The following PKIA variants were observed in gnomAD, a reference collection of about 807,000 sequenced individuals.
PKIA encodes the protein PKI-alpha.
Under a neutral mutation model 7.6 loss-of-function variants are expected in PKIA, and 4 were observed. That is an observed-to-expected ratio of 0.52 (90% CI 0.26 to 1.20). The LOEUF (loss-of-function observed/expected upper bound fraction) is 1.20. PKIA is among the 50% of genes most tolerant of loss of function. The pLI is 0.13. For synonymous variants in PKIA, 21 were observed against 30.7 expected, an observed-to-expected ratio of 0.68 and a Z score of 1.04; for missense variants, 73 against 86.2, an observed-to-expected ratio of 0.85 and a Z score of 0.61.
At chr8:78,546,580 T>C (rs1255809077) in intron 1 of PKIA, among the ~76,000 whole-genome samples, 1 of 152,178 alleles carries the variant, frequency 6.6e-6, no homozygotes, top group African/African-American at 2.4e-5. Flanking sequence ...GTGCCAGGAT[T>C]GGGAAGCATT....
At chr8:78,541,878 A>G (rs1470331730) in intron 1 of PKIA, among the ~76,000 whole-genome samples, 1 of 151,078 alleles carries the variant, frequency 6.6e-6, no homozygotes, top group Non-Finnish European at 1.5e-5. Flanking sequence ...TCAAGAGTAT[A>G]AGAGGCAGGG....
chr8:78,570,009 A>AGAAGTGGG (rs1157230467), intron 1 of PKIA, among the ~76,000 whole-genome samples: 1 of 152,134 alleles, frequency 6.6e-6, no homozygotes, highest in Non-Finnish European at 1.5e-5. Context: ...GGCTTAGTGA[A>AGAAGTGGG]GAAGTGGGTA....
At chr8:78,539,047 A>G (rs1482714940) in intron 1 of PKIA, among the ~76,000 whole-genome samples, 1 of 152,122 alleles carries the variant, frequency 6.6e-6, no homozygotes, top group Non-Finnish European at 1.5e-5. Context: ...GAGTAATGAA[A>G]GGCAGAAGTG....
At chr8:78,561,259 G>A (rs1242700538) in intron 1 of PKIA, among the ~76,000 whole-genome samples, 1 of 152,046 alleles carries the variant, frequency 6.6e-6, no homozygotes, top group Non-Finnish European at 1.5e-5. Flanking sequence ...GCCACTGTTG[G>A]TCTAACACTC....
intron 1 of PKIA, among the ~76,000 whole-genome samples, chr8:78,547,354 C>G (rs1259587731): frequency 1.3e-5 from 2 of 152,156 alleles, no homozygotes; most frequent in African/African-American, 4.8e-5. Context: ...CCACCCACCT[C>G]AGCCTCCCAA....
At chr8:78,563,747 A>G in intron 1 of PKIA, among the ~76,000 whole-genome samples, 1 of 152,158 alleles carries the variant, frequency 6.6e-6, no homozygotes, top group South Asian at 2.1e-4. Flanking sequence ...ATCTATAAAG[A>G]TAACAATTTT....
chr8:78,588,622 A>T (rs542472874), intron 2 of PKIA, among the ~76,000 whole-genome samples: 105 of 152,278 alleles, frequency 6.9e-4, no homozygotes, highest in African/African-American at 2.5e-3. Context: ...ATCTGTAGTG[A>T]TTATTTAGTG....
chr8:78,555,735 A>ATG (rs1034203561), intron 1 of PKIA, among the ~76,000 whole-genome samples: 11 of 151,854 alleles, frequency 7.2e-5, no homozygotes, highest in Non-Finnish European at 1.0e-4. Context: ...GTGAGTGTCA[A>ATG]TGTGTGTGTG....
chr8:78,524,038 A>ATATT lies in PKIA; in HGVS notation c.-157+7573_-157+7574insTTAT, dbSNP rs1809481676. On this transcript the variant is annotated intron_variant, in intron 1 of 3. Coordinates refer to ENST00000396418, the MANE Select transcript of PKIA (RefSeq NM_006823.4). Reference sequence around the variant, plus strand: ...TATATAAACGTTTATATAAACGTTTATATATATAAATATATATAAACATTT... The same window carrying ATATT: ...TATATAAACGTTTATATAAACGTTTATATTTATATATAAATATATATAAACATTT... Among the ~76,000 whole-genome samples the ATATT allele has an allele frequency of 6.7e-5, 9 of 133,430 alleles. 3 individuals are homozygous for ATATT. Among genetic ancestry groups the ATATT allele is most frequent in the Non-Finnish European group, 1.3e-4 (8 of 63,238 alleles). 87.5% of individuals were successfully genotyped at this position (133,430 alleles called of 152,430 possible).
chr8:78,567,550 T>C (rs1807446388), intron 1 of PKIA, among the ~76,000 whole-genome samples: 1 of 151,878 alleles, frequency 6.6e-6, no homozygotes. Context: ...TTATCACTGC[T>C]GATGTCAACC....
chr8:78,539,280 G>A (rs1806613149), intron 1 of PKIA, among the ~76,000 whole-genome samples: 1 of 152,058 alleles, frequency 6.6e-6, no homozygotes, highest in Admixed American at 6.6e-5. Context: ...TCTGAGGTGA[G>A]GCTGAGAACC....
chr8:78,565,167 C>A (rs1280258254), intron 1 of PKIA, among the ~76,000 whole-genome samples: 2 of 151,356 alleles, frequency 1.3e-5, no homozygotes, highest in Non-Finnish European at 3.0e-5. Flanking sequence ...TAAGAAATGT[C>A]ACTTATAATT....
intron 2 of PKIA, among the ~76,000 whole-genome samples, chr8:78,589,969 G>A (rs370713892): frequency 6.6e-6 from 1 of 152,268 alleles, no homozygotes; most frequent in Non-Finnish European, 1.5e-5. Flanking sequence ...AGGCAAACTA[G>A]TTGTTCAAAC....
chr8:78,579,152 C>T (rs954196924), intron 2 of PKIA, among the ~76,000 whole-genome samples: 15 of 151,922 alleles, frequency 9.9e-5, no homozygotes, highest in Admixed American at 3.3e-4. Flanking sequence ...TACCTCTCAC[C>T]GTCTTCACCC....
chr8:78,558,537 C>G (rs2118504042), intron 1 of PKIA: 1 of 153,792 alleles, frequency 6.5e-6, no homozygotes, highest in East Asian at 1.9e-4. Context: ...TCCTGATAAA[C>G]TCATCAGATC....
At chr8:78,591,432 T>C (rs116976248) in intron 2 of PKIA, 2,253 of 152,662 alleles carry the variant, frequency 0.015, 27 homozygotes, top group Middle Eastern at 0.037. Flanking sequence ...GCACAGATCA[T>C]GAGTCTCAGT....
intron 1 of PKIA, among the ~76,000 whole-genome samples, chr8:78,542,601 T>C (rs1399279350): frequency 6.6e-6 from 1 of 152,212 alleles, no homozygotes; most frequent in African/African-American, 2.4e-5. Flanking sequence ...TTGCTTTTTT[T>C]CCAGAATTTG....
At chr8:78,534,903 T>A (rs1212720023) in intron 1 of PKIA, 1 of 152,142 alleles carries the variant, frequency 6.6e-6, no homozygotes, top group African/African-American at 2.4e-5. Flanking sequence ...TACAGCCCTA[T>A]GGAAGCCAAA....
intron 2 of PKIA, among the ~76,000 whole-genome samples, chr8:78,576,101 A>G (rs567313425): frequency 6.6e-6 from 1 of 151,942 alleles, no homozygotes; most frequent in Non-Finnish European, 1.5e-5. Context: ...ACCTTATTTA[A>G]CCTAAATGAC....
Sources: allele counts gnomAD v4.1 joint callset (sites outside exome capture counted in the v4.1 genomes callset), GRCh38; gene constraint gnomAD v4.1.1; transcripts MANE v1.5; gene names NCBI Gene and HGNC (gene_info 2026-07-23, HGNC 2026-07-21).